The following DPP6 variants were observed in gnomAD, a reference collection of about 807,000 sequenced individuals.
DPP6 encodes dipeptidyl peptidase like 6, also known as A-type potassium channel modulatory protein DPP6.
In DPP6, 69 loss-of-function variants were observed where a neutral mutation model predicts 122.6. The observed-to-expected ratio is 0.56, with a 90% confidence interval of 0.46 to 0.69. The LOEUF is 0.69. DPP6 is among the 30% of genes least tolerant of loss of function. The pLI is 0.00. For synonymous variants in DPP6, 418 were observed against 433.1 expected (o/e 0.97, Z 0.43); for missense variants, 928 against 1,116.9 (o/e 0.83, Z 2.41).
At chr7:154,601,128 A>G (rs1334112748) in intron 5 of DPP6, among the ~76,000 whole-genome samples, 1 of 120,726 alleles carries the variant, frequency 8.3e-6, no homozygotes, top group Non-Finnish European at 1.9e-5. Context: ...AGAATGCTCA[A>G]ATTTAACAAG....
chr7:154,763,539 G>A (rs937147637), intron 8 of DPP6, among the ~76,000 whole-genome samples: 2 of 152,146 alleles, frequency 1.3e-5, no homozygotes, highest in Non-Finnish European at 2.9e-5. Flanking sequence ...ATAGATGCGA[G>A]GGTTTAGCTG....
intron 8 of DPP6, among the ~76,000 whole-genome samples, chr7:154,735,277 GT>G (rs1464183693): frequency 2.0e-5 from 3 of 150,044 alleles, no homozygotes; most frequent in Admixed American, 6.6e-5. Flanking sequence ...AGAGACAGCT[GT>G]TTTCCTTTTA....
chr7:153,755,687 C>T, the DPP6 span, among the ~76,000 whole-genome samples: 1 of 152,232 alleles, frequency 6.6e-6, no homozygotes, highest in Middle Eastern at 3.4e-3. Context: ...AGGAATTGAG[C>T]AGCCTCCTCC....
intron 1 of DPP6, among the ~76,000 whole-genome samples, chr7:154,330,561 G>A (rs932373063): frequency 6.6e-6 from 1 of 152,210 alleles, no homozygotes; most frequent in Non-Finnish European, 1.5e-5. Context: ...CTGTCTTTAC[G>A]AACGGACTGA....
intron 1 of DPP6, among the ~76,000 whole-genome samples, chr7:154,173,524 C>CCT (rs1563277040): frequency 6.6e-6 from 1 of 152,058 alleles, no homozygotes; most frequent in Non-Finnish European, 1.5e-5. Flanking sequence ...TGCCTGGACT[C>CCT]CTCTCTCTCT....
At chr7:154,789,121 G>A (rs147658148) in intron 10 of DPP6, among the ~76,000 whole-genome samples, 121 of 152,290 alleles carry the variant, frequency 7.9e-4, no homozygotes, top group Non-Finnish European at 1.5e-3. Context: ...AAGGGTGAGA[G>A]TCACCTTTGA....
chr7:154,213,548 G>T (rs548097789), intron 1 of DPP6, among the ~76,000 whole-genome samples: 2 of 152,290 alleles, frequency 1.3e-5, no homozygotes, highest in East Asian at 3.9e-4. Flanking sequence ...AGTGCCCTTG[G>T]CAATGCACGT....
the DPP6 span, among the ~76,000 whole-genome samples, chr7:153,811,517 T>C: frequency 6.6e-6 from 1 of 152,216 alleles, no homozygotes; most frequent in Non-Finnish European, 1.5e-5. Flanking sequence ...CTTTTTGGGG[T>C]TTGCTTGTCA....
the DPP6 span, among the ~76,000 whole-genome samples, chr7:153,773,326 A>AT: frequency 0.075 from 3,546 of 47,214 alleles, 68 homozygotes; most frequent in Non-Finnish European, 0.084. Flanking sequence ...ATATATATAT[A>AT]TATATTTTTT....
chr7:154,226,959 G>A (rs988949868), intron 1 of DPP6, among the ~76,000 whole-genome samples: 2 of 152,150 alleles, frequency 1.3e-5, no homozygotes, highest in African/African-American at 2.4e-5. Context: ...ATGGTAAAGT[G>A]AGCCCTGTGC....
the DPP6 span, among the ~76,000 whole-genome samples, chr7:153,772,174 C>T: frequency 1.2e-3 from 187 of 152,266 alleles, 1 homozygote; most frequent in African/African-American, 4.2e-3. Flanking sequence ...ACCTCCACTT[C>T]CTGGACTGAA....
chr7:154,221,904 TTAATTCATGG>T lies in DPP6; in HGVS notation c.243+168845_243+168854del, dbSNP rs1222833132. On this transcript the variant is annotated intron_variant, in intron 1 of 25. Coordinates refer to ENST00000377770, the MANE Select transcript of DPP6 (RefSeq NM_130797.4). ...ACTTTTGCATTATAAAAAAGGCATATTAATTCATGGTAAATTGAAAATTTAATTTAATTTT... is the reference window on the plus strand; with the variant it reads ...ACTTTTGCATTATAAAAAAGGCATATTAAATTGAAAATTTAATTTAATTTT... 2.0e-5 allele frequency among the ~76,000 whole-genome samples: 3 copies of T among 152,268 alleles called. No individual in the cohort carries two copies. The East Asian group carries it at 5.8e-4, about 29-fold the overall frequency.
intron 1 of DPP6, among the ~76,000 whole-genome samples, chr7:154,061,595 T>C (rs1801894793): frequency 6.9e-6 from 1 of 145,028 alleles, no homozygotes; most frequent in Non-Finnish European, 1.5e-5. Flanking sequence ...TCTTCCCCCC[T>C]GGCTCTTGGG....
chr7:154,405,099 AT>A (rs1488269493), intron 1 of DPP6, among the ~76,000 whole-genome samples: 10 of 152,220 alleles, frequency 6.6e-5, no homozygotes, highest in Admixed American at 2.0e-4. Context: ...ATGTATGTGA[AT>A]TTTTTTTCAT....
intron 4 of DPP6, among the ~76,000 whole-genome samples, chr7:154,541,788 T>TA (rs1196627608): frequency 1.3e-5 from 2 of 151,990 alleles, no homozygotes; most frequent in Non-Finnish European, 2.9e-5. Flanking sequence ...GAGGAGGTTG[T>TA]AAAAAAAATT....
chr7:153,865,783 C>G, the DPP6 span, among the ~76,000 whole-genome samples: 15 of 151,628 alleles, frequency 9.9e-5, 1 homozygote, highest in Admixed American at 9.2e-4. Flanking sequence ...GGTATATCTC[C>G]TAATGCTATC....
At chr7:153,883,709 C>A (rs1039967115), upstream of DPP6, among the ~76,000 whole-genome samples, 1 of 152,228 alleles carries the variant, frequency 6.6e-6, no homozygotes, top group African/African-American at 2.4e-5. Context: ...CTCTTAGCCT[C>A]ATTCTTTTCC....
chr7:154,349,187 G>GT lies in DPP6; in HGVS notation c.244-97021dup, dbSNP rs1039695934. On this transcript the variant is annotated intron_variant, in intron 1 of 25. Transcript: ENST00000377770. ...TTGTTTGTTGTTGTTGTTTTGTTTT[G>GT]TTTTTTGAGACGGAGTCTCGCTCTG... Among the ~76,000 whole-genome samples the GT allele has an allele frequency of 7.2e-5, 11 of 152,168 alleles. No individual in the cohort carries two copies. The East Asian group carries it at 9.7e-4, about 13-fold the overall frequency.
the DPP6 span, among the ~76,000 whole-genome samples, chr7:153,856,951 C>T: frequency 6.6e-6 from 1 of 152,124 alleles, no homozygotes; most frequent in African/African-American, 2.4e-5. Flanking sequence ...ATGTTTTTCA[C>T]TGAAAATGCC....
Sources: allele counts gnomAD v4.1 joint callset (sites outside exome capture counted in the v4.1 genomes callset), GRCh38; gene constraint gnomAD v4.1.1; transcripts MANE v1.5; gene names NCBI Gene and HGNC (gene_info 2026-07-23, HGNC 2026-07-21).